BCAT1: variants seen among roughly 807,000 people sequenced by gnomAD.
The protein encoded by BCAT1 is branched chain amino acid transaminase 1.
A neutral mutation model predicts 52.4 loss-of-function variants in BCAT1; 48 were observed. The ratio of observed to expected loss-of-function variants is 0.92; its 90% confidence interval spans 0.73 to 1.16. BCAT1 has a LOEUF of 1.16. Among genes scored for constraint, BCAT1 ranks in the 50% most tolerant of loss-of-function variants. The pLI, the probability that BCAT1 is intolerant of heterozygous loss-of-function variation, is 0.00. For synonymous variants in BCAT1, 167 were observed against 161.3 expected (o/e 1.04, Z -0.27); for missense variants, 451 against 457.1 (o/e 0.99, Z 0.12).
At chr12:24,821,132 G>A (rs1041083505) in intron 10 of BCAT1, among the ~76,000 whole-genome samples, 1 of 152,186 alleles carries the variant, frequency 6.6e-6, no homozygotes, top group African/African-American at 2.4e-5. Flanking sequence ...AGGGAAGGGG[G>A]TGGAGCCTTT....
At chr12:24,876,260 TAAAAAA>T (rs71448093) in intron 5 of BCAT1, among the ~76,000 whole-genome samples, 2 of 109,904 alleles carry the variant, frequency 1.8e-5, no homozygotes, top group African/African-American at 7.0e-5. Context: ...GAGGGAGATG[TAAAAAA>T]AAAAAAAAAA....
chr12:24,901,962 C>T, intron 1 of BCAT1, 77 bp from the exon 2 acceptor site: 1 of 1,611,372 alleles, frequency 6.2e-7, no homozygotes, highest in Non-Finnish European at 8.5e-7. Flanking sequence ...GTGACGCTCA[C>T]CATGATACCG....
At chr12:24,859,102 G>A (rs1941775439) in intron 5 of BCAT1, among the ~76,000 whole-genome samples, 1 of 152,184 alleles carries the variant, frequency 6.6e-6, no homozygotes, top group African/African-American at 2.4e-5. Flanking sequence ...TTATCTCATG[G>A]TAAAATTGAT....
Position 24,901,952 on chromosome 12 carries a change from G to A in BCAT1, c.7-67C>T, listed in dbSNP as rs138928580. 9.2e-4 allele frequency: 1,488 copies of A among 1,612,712 alleles called. 6 individuals are homozygous for A. In the African/African-American group the frequency reaches 0.018, roughly 19 times the overall value. The stretch of plus-strand genomic sequence containing the variant: ...GTAAGCGGGACCCGGGGTAACCTAC[G>A]TGACGCTCACCATGATACCGTGCGC... On this transcript the variant is annotated intron_variant, in intron 1 of 10. Coordinates refer to ENST00000261192, the MANE Select transcript of BCAT1 (RefSeq NM_005504.7).
At chr12:24,910,473 T>A (rs1252391379) in intron 1 of BCAT1, among the ~76,000 whole-genome samples, 1 of 152,148 alleles carries the variant, frequency 6.6e-6, no homozygotes, top group Non-Finnish European at 1.5e-5. Context: ...TATATAGCAA[T>A]GTTAACCAAA....
chr12:24,945,035 A>T (rs1040957249), intron 1 of BCAT1, among the ~76,000 whole-genome samples: 3 of 152,228 alleles, frequency 2.0e-5, no homozygotes, highest in African/African-American at 7.2e-5. Flanking sequence ...GCTATGCTGT[A>T]TTCATAAGGT....
chr12:24,936,471 G>C (rs1044416676), intron 1 of BCAT1, among the ~76,000 whole-genome samples: 6 of 152,096 alleles, frequency 3.9e-5, no homozygotes, highest in Admixed American at 1.3e-4. Flanking sequence ...GACCTCAAGT[G>C]ATCCACCCAC....
At chr12:24,903,141 G>C (rs181330692) in intron 1 of BCAT1, 2 of 1,310,186 alleles carry the variant, frequency 1.5e-6, no homozygotes, top group Admixed American at 8.2e-5. Flanking sequence ...GCCAGGCGCA[G>C]GGTACGACGC....
chr12:24,899,777 GAAA>G (rs72262709), intron 2 of BCAT1, among the ~76,000 whole-genome samples: 7 of 134,008 alleles, frequency 5.2e-5, no homozygotes, highest in African/African-American at 8.5e-5. Context: ...GCCAAACACA[GAAA>G]AAAAAAAAAA....
chr12:24,874,588 C>G (rs551468043), intron 5 of BCAT1, among the ~76,000 whole-genome samples: 1 of 152,208 alleles, frequency 6.6e-6, no homozygotes, highest in Non-Finnish European at 1.5e-5. Flanking sequence ...ATTAAAAGTT[C>G]AGCTTTCAAT....
At chr12:24,897,858 T>C (rs536666173) in intron 2 of BCAT1, among the ~76,000 whole-genome samples, 1 of 152,090 alleles carries the variant, frequency 6.6e-6, no homozygotes, top group Non-Finnish European at 1.5e-5. Context: ...CCGGCATATA[T>C]CCAGTTTTTC....
chr12:24,877,549 G>A (rs1942381566), intron 5 of BCAT1, among the ~76,000 whole-genome samples: 1 of 152,110 alleles, frequency 6.6e-6, no homozygotes, highest in Admixed American at 6.5e-5. Context: ...TACCATCCCA[G>A]CTCTTCAATT....
intron 10 of BCAT1, among the ~76,000 whole-genome samples, chr12:24,829,598 T>G (rs1940561655): frequency 6.6e-6 from 1 of 152,186 alleles, no homozygotes; most frequent in African/African-American, 2.4e-5. Context: ...TGAACAATAT[T>G]TTCTTTCTTT....
intron 7 of BCAT1, among the ~76,000 whole-genome samples, chr12:24,837,436 A>ATTTTTTTTTTTTTT (rs35427447): frequency 8.2e-6 from 1 of 121,936 alleles, no homozygotes. Flanking sequence ...GGAAAGTCTA[A>ATTTTTTTTTTTTTT]TTTTTTTTTT....
chr12:24,893,183 A>G (rs1234789889), intron 3 of BCAT1, among the ~76,000 whole-genome samples: 2 of 152,248 alleles, frequency 1.3e-5, no homozygotes, highest in African/African-American at 4.8e-5. Context: ...ATATTAGTCA[A>G]GAAACAACTC....
intron 1 of BCAT1, among the ~76,000 whole-genome samples, chr12:24,906,484 G>T (rs1216174353): frequency 2.1e-5 from 2 of 94,270 alleles, no homozygotes; most frequent in Non-Finnish European, 4.7e-5. Flanking sequence ...GAAGCTATGG[G>T]TGCGAAAGAG....
At chr12:24,916,299 G>C (rs77437274) in intron 1 of BCAT1, among the ~76,000 whole-genome samples, 11,613 of 152,246 alleles carry the variant, frequency 0.076, 616 homozygotes, top group Admixed American at 0.11. Flanking sequence ...CTGTCAGAAA[G>C]TGACATTCTT....
intron 1 of BCAT1, among the ~76,000 whole-genome samples, chr12:24,906,573 T>C (rs974649386): frequency 6.6e-6 from 1 of 152,202 alleles, no homozygotes; most frequent in Non-Finnish European, 1.5e-5. Flanking sequence ...TAGATGAGCA[T>C]TAATATATGA....
At chr12:24,928,953 G>A (rs1469078880) in intron 1 of BCAT1, among the ~76,000 whole-genome samples, 1 of 151,732 alleles carries the variant, frequency 6.6e-6, no homozygotes, top group Admixed American at 6.6e-5. Flanking sequence ...TAGAGAAGGG[G>A]TTTCCCCATA....
Sources: allele counts gnomAD v4.1 joint callset (sites outside exome capture counted in the v4.1 genomes callset), GRCh38; gene constraint gnomAD v4.1.1; transcripts MANE v1.5; gene names NCBI Gene and HGNC (gene_info 2026-07-23, HGNC 2026-07-21).